Variants in ADCYAP1 observed in about 807,000 individuals in gnomAD.
ADCYAP1 encodes pituitary adenylate cyclase-activating polypeptide.
In ADCYAP1, 6 loss-of-function variants were observed where a neutral mutation model predicts 18.5. The observed-to-expected ratio is 0.32, with a 90% confidence interval of 0.18 to 0.64. The LOEUF (loss-of-function observed/expected upper bound fraction) is 0.64, where lower values mean the gene tolerates loss of function less well. Among genes scored for constraint, ADCYAP1 ranks in the 30% least tolerant of loss-of-function variants. ADCYAP1 has a pLI of 0.77. For missense variants in ADCYAP1, 314 were observed against 253.6 expected (o/e 1.24, Z -1.62); for synonymous variants, 136 against 113.9 (o/e 1.19, Z -1.24).
In ADCYAP1 at chr18:907,761, C is replaced by G; in HGVS notation, c.213C>G (p.Ala71=). Residue 71 remains alanine, a synonymous_variant, in exon 3 of 5, where the codon GCC becomes GCG. Transcript: ENST00000450565. ...AGSPASAPRA[A]AAWYRPAGRR... is the part of the protein sequence containing the mutation. The stretch of plus-strand genomic sequence containing the variant: ...GCCCCGCCTCCGCGCCGCGCGCCGC[C>G]GCCGCCTGGTACCGCCCGGCCGGGA... 1.3e-6 allele frequency: 2 copies of G among 1,497,318 alleles called. No individual in the cohort carries two copies. The highest frequency in any genetic ancestry group is 2.6e-5 in the South Asian group (2 of 78,414). 92.8% of individuals were successfully genotyped at this position (1,497,318 alleles called of 1,614,324 possible).
At chr18:904,748 C>T, upstream of ADCYAP1, 1 of 1,253,378 alleles carries the variant, frequency 8.0e-7, no homozygotes, top group Non-Finnish European at 1.0e-6. Flanking sequence ...GGACTTACGG[C>T]CACCTTGCTC....
At chr18:907,811 C>T (rs748232688) in intron 3 of ADCYAP1, 21 bp downstream of exon 3, 93 of 1,419,564 alleles carry the variant, frequency 6.6e-5, no homozygotes, top group Non-Finnish European at 8.0e-5. Context: ...CGCGGCCTCG[C>T]GCACACCCGC....
chr18:908,428 G>A, intron 4 of ADCYAP1, 65 bp downstream of exon 4: 4 of 1,463,982 alleles, frequency 2.7e-6, no homozygotes, highest in Non-Finnish European at 3.8e-6. Flanking sequence ...GGCGCGCGGG[G>A]CGGGCGGCGG....
intron 3 of ADCYAP1, 119 bp downstream of exon 3, chr18:907,909 C>T (rs562646128): frequency 7.3e-7 from 1 of 1,369,592 alleles, no homozygotes; most frequent in South Asian, 1.7e-5. Flanking sequence ...AGTCCTCAAG[C>T]CTGTCCTCTC....
chr18:907,578 G>C, intron 2 of ADCYAP1, 81 bp from the exon 3 acceptor site: 2 of 1,427,590 alleles, frequency 1.4e-6, no homozygotes, highest in Non-Finnish European at 1.9e-6. Context: ...GAAAATCCGC[G>C]CGAGCCCCTT....
At chr18:905,777 A>C in intron 2 of ADCYAP1, 8 of 468,858 alleles carry the variant, frequency 1.7e-5, no homozygotes, top group East Asian at 7.4e-5. Context: ...CCCTCCCCCA[A>C]CCCGGCCCAC....
In ADCYAP1 at chr18:907,910, C is replaced by T. The variant is rs529961673; in HGVS notation, c.242+120C>T. ...TTTTTTCCCGTGAAAGTCCTCAAGC[C>T]TGTCCTCTCCCTGGCCCGATCCTAT... On this transcript the variant is annotated intron_variant, in intron 3 of 4. Transcript: ENST00000450565. 7 of 1,370,328 alleles carry T rather than the reference C, an allele frequency of 5.1e-6. 1 individual carries two copies. The South Asian group carries it at 1.2e-4, about 23-fold the overall frequency. 84.9% of individuals were successfully genotyped at this position (1,370,328 alleles called of 1,614,324 possible). A position where few individuals can be genotyped will look rare whatever the true frequency, so the allele number is the denominator to read the frequency against.
At position 907,708 on chromosome 18, in the gene ADCYAP1, G is replaced by C; in HGVS notation, c.160G>C (p.Asp54His). The C allele has an allele frequency of 1.3e-6, 2 of 1,558,066 alleles. No homozygotes were observed. The highest frequency in any genetic ancestry group is 1.2e-5 in the South Asian group (1 of 85,714). Reference sequence around the variant, plus strand: ...GGACGGAAACCCGCTGCCAGACTTCGATGGCTCGGAGCCGCCGGGCGCAGG... The same window carrying C: ...GGACGGAAACCCGCTGCCAGACTTCCATGGCTCGGAGCCGCCGGGCGCAGG... ...GEDGNPLPDF[D>H]GSEPPGAGSP... The change falls in exon 3 of 5, where the codon GAT becomes CAT. Residue 54 changes from aspartate to histidine, a missense_variant. By Grantham distance (81) the Asp-to-His change is moderately conservative (BLOSUM62 -1). Coordinates refer to ENST00000450565, the MANE Select transcript of ADCYAP1 (RefSeq NM_001099733.2).
upstream of ADCYAP1, chr18:904,762 C>T (rs1443589371): frequency 2.4e-6 from 3 of 1,264,518 alleles, no homozygotes; most frequent in South Asian, 1.3e-5. Flanking sequence ...CTTGCTCCTC[C>T]GCGCTTCACC....
upstream of ADCYAP1, chr18:904,755 G>A (rs1598981544): frequency 7.9e-7 from 1 of 1,259,842 alleles, no homozygotes; most frequent in Non-Finnish European, 1.0e-6. Context: ...CGGCCACCTT[G>A]CTCCTCCGCG....
At chr18:905,749 T>C (rs1909145863) in intron 2 of ADCYAP1, 1 of 512,604 alleles carries the variant, frequency 2.0e-6, no homozygotes, top group Non-Finnish European at 3.4e-6. Context: ...AGTGAGCTTC[T>C]GGCCGCTGGA....
At chr18:907,512 C>A in intron 2 of ADCYAP1, 147 bp from the exon 3 acceptor site, 1 of 869,210 alleles carries the variant, frequency 1.2e-6, no homozygotes, top group Non-Finnish European at 1.7e-6. Context: ...ACCTCTGCTC[C>A]CACCCCCAGT....
At chr18:904,464 C>T, upstream of ADCYAP1, 1 of 1,289,092 alleles carries the variant, frequency 7.8e-7, no homozygotes, top group Non-Finnish European at 1.0e-6. Context: ...GAGGGCTCTC[C>T]AAAAACCATG....
chr18:905,708 C>T (rs567560878), intron 2 of ADCYAP1: 2 of 616,888 alleles, frequency 3.2e-6, no homozygotes, highest in East Asian at 5.7e-5. Flanking sequence ...CCTCCCCCAG[C>T]CCTAGGCAGC....
intron 4 of ADCYAP1, among the ~76,000 whole-genome samples, chr18:908,949 T>A (rs555228527): frequency 3.8e-4 from 58 of 152,180 alleles, no homozygotes; most frequent in Non-Finnish European, 8.1e-4. Context: ...ACTTATATTA[T>A]TATCACGTTT....
upstream of ADCYAP1, chr18:904,484 A>AT (rs1455847949): frequency 1.7e-5 from 22 of 1,289,010 alleles, no homozygotes; most frequent in East Asian, 1.2e-3. Context: ...GTTCGGATAG[A>AT]TTTTTGCGAA....
At chr18:904,783 CTCTT>C (rs1909093280), upstream of ADCYAP1, 9 of 1,279,396 alleles carry the variant, frequency 7.0e-6, no homozygotes, top group African/African-American at 1.5e-5. Context: ...TCATCGCCCC[CTCTT>C]TCTTTCTTCT....
At chr18:907,142 G>A (rs1909197767) in intron 2 of ADCYAP1, among the ~76,000 whole-genome samples, 2 of 152,198 alleles carry the variant, frequency 1.3e-5, no homozygotes, top group South Asian at 4.1e-4. Flanking sequence ...TCTGCTCGGA[G>A]AAGGGCTCCC....
chr18:907,732 G>T lies in ADCYAP1; in HGVS notation c.184G>T (p.Gly62Trp). Reference sequence around the variant, plus strand: ...CGATGGCTCGGAGCCGCCGGGCGCAGGGAGCCCCGCCTCCGCGCCGCGCGC... The same window carrying T: ...CGATGGCTCGGAGCCGCCGGGCGCATGGAGCCCCGCCTCCGCGCCGCGCGC... ...DFDGSEPPGA[G>W]SPASAPRAAA... Residue 62 changes from glycine (G) to tryptophan (W), a missense_variant, in exon 3 of 5, where the codon GGG (glycine) becomes TGG (tryptophan). Physicochemically the swap from Gly to Trp is radical, Grantham distance 184. Coordinates refer to ENST00000450565, the MANE Select transcript of ADCYAP1 (RefSeq NM_001099733.2). The T allele has an allele frequency of 6.5e-7, 1 of 1,527,594 alleles. No individual in the cohort carries two copies. The highest frequency in any genetic ancestry group is 8.7e-7 in the Non-Finnish European group (1 of 1,143,982). The allele number at this position is 1,527,594 out of a possible 1,614,324, so 94.6% of individuals were successfully genotyped here.
Sources: gnomAD v4.1 joint callset for allele counts (sites outside exome capture counted in the v4.1 genomes callset) on GRCh38, gnomAD v4.1.1 for gene constraint, MANE v1.5 for transcripts, NCBI Gene and HGNC (gene_info 2026-07-23, HGNC 2026-07-21) for gene names.